Variants in GLG1 observed in about 807,000 individuals in gnomAD.
GLG1 encodes Golgi apparatus protein 1.
In GLG1, 38 loss-of-function variants were observed where a neutral mutation model predicts 160.5. That is an observed-to-expected ratio of 0.24 (90% CI 0.18 to 0.31). The LOEUF is 0.31. Ranked by LOEUF, GLG1 falls within the 10% of genes least tolerant of loss-of-function variation. The pLI is 1.00. For missense variants in GLG1, 1,373 were observed against 1,505.2 expected, an observed-to-expected ratio of 0.91 and a Z score of 1.45; for synonymous variants, 644 against 543.4, an observed-to-expected ratio of 1.19 and a Z score of -2.57.
intron 25 of GLG1, among the ~76,000 whole-genome samples, chr16:74,455,886 C>A (rs1053764655): frequency 6.6e-6 from 1 of 152,160 alleles, no homozygotes; most frequent in African/African-American, 2.4e-5. Flanking sequence ...AATACGTCCA[C>A]CAAAGCGTTA....
At chr16:74,525,774 A>C (rs1425946672) in intron 2 of GLG1, among the ~76,000 whole-genome samples, 1 of 149,090 alleles carries the variant, frequency 6.7e-6, no homozygotes, top group Admixed American at 6.8e-5. Context: ...CAGATATATG[A>C]TTTGTAAGTA....
chr16:74,586,733 T>C (rs1958062002), intron 1 of GLG1, among the ~76,000 whole-genome samples: 2 of 151,862 alleles, frequency 1.3e-5, no homozygotes, highest in African/African-American at 4.8e-5. Context: ...AGTCTCGCTA[T>C]TGTTGCCCAG....
chr16:74,489,471 CA>C (rs78858513), intron 8 of GLG1, among the ~76,000 whole-genome samples: 102 of 134,590 alleles, frequency 7.6e-4, no homozygotes, highest in Admixed American at 5.2e-4. Flanking sequence ...GACTCTGTCT[CA>C]AAAAAAAAAA....
chr16:74,600,456 G>C (rs1025536733), intron 1 of GLG1, among the ~76,000 whole-genome samples: 1 of 152,058 alleles, frequency 6.6e-6, no homozygotes, highest in African/African-American at 2.4e-5. Flanking sequence ...AAGAGGCCGG[G>C]TGCACTGGTT....
At chr16:74,480,560 GTT>G (rs977257775) in intron 10 of GLG1, among the ~76,000 whole-genome samples, 166 bp from the exon 11 acceptor site, 1 of 145,180 alleles carries the variant, frequency 6.9e-6, no homozygotes. Context: ...TTGTTCTTTT[GTT>G]TTTTTTTTTT....
chr16:74,537,966 G>C (rs2017731892), intron 1 of GLG1, among the ~76,000 whole-genome samples: 1 of 152,168 alleles, frequency 6.6e-6, no homozygotes, highest in African/African-American at 2.4e-5. Flanking sequence ...AGTCTGGAAG[G>C]AGAAATTAAA....
intron 7 of GLG1, among the ~76,000 whole-genome samples, chr16:74,492,643 AC>A (rs2016041086): frequency 6.6e-6 from 1 of 151,684 alleles, no homozygotes; most frequent in Non-Finnish European, 1.5e-5. Flanking sequence ...ACATGGTGAA[AC>A]CCCATCTCTA....
chr16:74,453,067 G>C lies in GLG1; in HGVS notation c.*100C>G. On this transcript the variant is annotated 3_prime_UTR_variant, in exon 26 of 26. Transcript: ENST00000422840. ...CTGCTAATGCTCTAACACGGGGTTG[G>C]TGTCACTTCTGAGAAGAGCGAGGTG... 4 of 1,527,228 alleles carry C rather than the reference G, an allele frequency of 2.6e-6. No homozygotes were observed. Among genetic ancestry groups the C allele is most frequent in the Non-Finnish European group, 3.5e-6 (4 of 1,137,622 alleles). The allele number at this position is 1,527,228 out of a possible 1,614,324, so 94.6% of individuals were successfully genotyped here. A position where few individuals can be genotyped will look rare whatever the true frequency, so the allele number is the denominator to read the frequency against.
intron 1 of GLG1, among the ~76,000 whole-genome samples, chr16:74,573,063 T>C: frequency 6.6e-6 from 1 of 152,142 alleles, no homozygotes; most frequent in Non-Finnish European, 1.5e-5. Context: ...GCCAGAAGTG[T>C]TGAGTGACTA....
chr16:74,555,891 G>A (rs1179781971), intron 1 of GLG1, among the ~76,000 whole-genome samples: 1 of 150,166 alleles, frequency 6.7e-6, no homozygotes. Context: ...CCAGGGTGAA[G>A]TGTAGTGGCA....
chr16:74,596,634 A>G (rs1958309215), intron 1 of GLG1, among the ~76,000 whole-genome samples: 1 of 152,270 alleles, frequency 6.6e-6, no homozygotes, highest in Non-Finnish European at 1.5e-5. Context: ...CCATGTTTCA[A>G]CTGTTCACTA....
At position 74,449,592 on chromosome 16, in the gene GLG1, T is replaced by C. The variant is rs1284647194; in HGVS notation, c.*3575A>G. The C allele has an allele frequency of 6.6e-6, 1 of 152,160 alleles. No individual in the cohort carries two copies. Among genetic ancestry groups the C allele is most frequent in the Non-Finnish European group, 1.5e-5 (1 of 68,048 alleles). 9.4% of individuals were successfully genotyped at this position (152,160 alleles called of 1,614,324 possible). A position where few individuals can be genotyped will look rare whatever the true frequency, so the allele number is the denominator to read the frequency against. On this transcript the variant is annotated 3_prime_UTR_variant, in exon 26 of 26. Coordinates refer to ENST00000422840, the MANE Select transcript of GLG1 (RefSeq NM_001145667.2). ...AAAGCTGTCTCTTCACCAGGATGCA[T>C]CCCCACCCTGGCCAGCTGAGTGACT...
Position 74,482,895 on chromosome 16 carries a change from G to C in GLG1, c.1673+128C>G, listed in dbSNP as rs2303280. ...AAGAATAGTTTTTCAGGGGATTGGA[G>C]TGTGTTAGCTGTCCCAGAACTGAAC... On this transcript the variant is annotated intron_variant, in intron 10 of 25. Transcript: ENST00000422840. The C allele has an allele frequency of 6.1e-4, 402 of 661,890 alleles. 1 individual carries two copies. The East Asian group carries it at 0.011, about 18-fold the overall frequency. The allele number at this position is 661,890 out of a possible 1,614,324, so 41.0% of individuals were successfully genotyped here.
chr16:74,574,419 GACTAT>G, intron 1 of GLG1, among the ~76,000 whole-genome samples: 1 of 152,094 alleles, frequency 6.6e-6, no homozygotes, highest in African/African-American at 2.4e-5. Context: ...ACTCAAAACT[GACTAT>G]GTTAACTGTT....
chr16:74,474,611 G>A lies in GLG1; in HGVS notation c.1987C>T (p.His663Tyr). Residue 663 changes from histidine to tyrosine, a missense_variant, in exon 13 of 26, where the codon CAT becomes TAT. By Grantham distance (83) the His-to-Tyr change is moderately conservative. This residue lies in a region of GLG1 where 386 missense variants were observed against 388.5 expected (regional missense o/e 0.99). Coordinates refer to ENST00000422840, the MANE Select transcript of GLG1 (RefSeq NM_001145667.2). ...TGQELECLQDHLDDLVVECRD... is the reference protein window; with the variant it reads ...TGQELECLQDYLDDLVVECRD... Reference sequence around the variant, plus strand: ...CACTCCACCACCAAGTCATCCAGATGGTCCTGAAGGCACTCCAGCTCCTGC... The same window carrying A: ...CACTCCACCACCAAGTCATCCAGATAGTCCTGAAGGCACTCCAGCTCCTGC... 6.4e-7 allele frequency: 1 copy of A among 1,565,028 alleles called. No individual in the cohort carries two copies. The highest frequency in any genetic ancestry group is 8.8e-7 in the Non-Finnish European group (1 of 1,135,078).
Position 74,451,790 on chromosome 16 carries a change from C to G in GLG1, c.*1377G>C. The G allele has an allele frequency of 6.9e-6, 3 of 437,596 alleles. No individual in the cohort carries two copies. The highest frequency in any genetic ancestry group is 1.3e-5 in the Non-Finnish European group (3 of 235,976). The allele number at this position is 437,596 out of a possible 1,614,324, so 27.1% of individuals were successfully genotyped here. ...TGCCCGGACCCCTCCCTCTCACACC[C>G]AGACTTGTCATCTCCACACTGGAGG... On this transcript the variant is annotated 3_prime_UTR_variant, in exon 26 of 26. Transcript: ENST00000422840.
chr16:74,495,829 C>T (rs2016166463), intron 5 of GLG1, among the ~76,000 whole-genome samples: 1 of 152,090 alleles, frequency 6.6e-6, no homozygotes. Context: ...CATTAGAAGC[C>T]AGCTGTTAAC....
intron 1 of GLG1, among the ~76,000 whole-genome samples, chr16:74,574,296 A>G (rs2018924809): frequency 6.6e-6 from 1 of 152,230 alleles, no homozygotes. Context: ...AGCTAACGCT[A>G]AACAGGTTTT....
rs1218674084 is a variant in GLG1, at chr16:74,485,813, T to C, written c.1554A>G (p.Ile518Met). The C allele has an allele frequency of 6.2e-7, 1 of 1,613,084 alleles. No individual in the cohort carries two copies. The highest frequency in any genetic ancestry group is 1.7e-5 in the Admixed American group (1 of 59,956). ...TAACTTACATTGGGTCTCCAGATCT[T>C]ATATGTTTGCAGGCTGTCTGGATTA... is the stretch of plus-strand genomic sequence containing the variant. ...ESVIQTACKH[I>M]RSGDPMILSC... The change falls in exon 9 of 26, where the codon ATA (isoleucine) becomes ATG (methionine). Residue 518 changes from isoleucine (I) to methionine (M), a missense_variant. Ile to Met is a conservative substitution (Grantham distance 10, BLOSUM62 1). Transcript: ENST00000422840.
Sources: allele counts gnomAD v4.1 joint callset (sites outside exome capture counted in the v4.1 genomes callset), GRCh38; gene constraint gnomAD v4.1.1; regional missense constraint gnomAD v4.1.1; transcripts MANE v1.5; gene names NCBI Gene and HGNC (gene_info 2026-07-23, HGNC 2026-07-21).